Variants in TMEM266 observed in about 807,000 individuals in gnomAD.
TMEM266 encodes the protein transmembrane protein 266, also known as Hv1 related protein 1.
A neutral mutation model predicts 50.5 loss-of-function variants in TMEM266; 33 were observed. That is an observed-to-expected ratio of 0.65 (90% CI 0.50 to 0.87). TMEM266 has a LOEUF of 0.87. TMEM266 is among the 40% of genes least tolerant of loss of function. The probability of loss-of-function intolerance (pLI) is 0.00; values close to 1 mark genes in which losing one functional copy is unlikely to be tolerated. For missense variants in TMEM266, 655 were observed against 695.1 expected (o/e 0.94, Z 0.65); for synonymous variants, 310 against 292.3 (o/e 1.06, Z -0.62).
At chr15:76,085,162 T>G (rs533211803) in intron 1 of TMEM266, among the ~76,000 whole-genome samples, 3 of 150,992 alleles carry the variant, frequency 2.0e-5, no homozygotes, top group African/African-American at 7.3e-5. Flanking sequence ...GGTTTCACTG[T>G]GTTAGCCAGC....
At chr15:76,175,319 C>G in intron 7 of TMEM266, 1 of 432,482 alleles carries the variant, frequency 2.3e-6, no homozygotes. Flanking sequence ...GCACACAGCC[C>G]AAAAGTATGG....
At chr15:76,080,243 C>T (rs1027666680) in intron 1 of TMEM266, among the ~76,000 whole-genome samples, 2 of 45,556 alleles carry the variant, frequency 4.4e-5, no homozygotes, top group African/African-American at 8.5e-5. Context: ...GGCAGGTGCC[C>T]GTAATCCCAG....
At chr15:76,107,822 C>T (rs981648089) in intron 1 of TMEM266, among the ~76,000 whole-genome samples, 2 of 152,146 alleles carry the variant, frequency 1.3e-5, no homozygotes, top group Non-Finnish European at 2.9e-5. Flanking sequence ...GAAGTCTACT[C>T]TAGAACCCAC....
At position 76,171,011 on chromosome 15, in the gene TMEM266, A is replaced by G. The variant is rs770518242; in HGVS notation, c.532A>G (p.Ile178Val). Residue 178 changes from isoleucine (I) to valine (V), a missense_variant, in exon 7 of 11, where the codon ATC becomes GTC. By Grantham distance (29) the Ile-to-Val change is conservative. Around this residue, in one of 3 missense-constraint regions of TMEM266, gnomAD observed 101 missense variants for 182.6 expected, o/e 0.55. Transcript: ENST00000388942. ...CTCACAGGTGTTTGACGGGGCTGTG[A>G]TCATCCTATCTTTGGCTCCGATGGT... is the stretch of plus-strand genomic sequence containing the variant. 4 of 1,612,836 alleles carry G rather than the reference A, an allele frequency of 2.5e-6. No homozygotes were observed. Among genetic ancestry groups the G allele is most frequent in the Non-Finnish European group, 3.4e-6 (4 of 1,179,614 alleles).
chr15:76,095,952 CAGT>C (rs767341196), intron 1 of TMEM266, among the ~76,000 whole-genome samples: 4 of 151,988 alleles, frequency 2.6e-5, no homozygotes, highest in Non-Finnish European at 4.4e-5. Flanking sequence ...TTCTGTGGGT[CAGT>C]GGTGATATCC....
At chr15:76,196,415 C>A (rs189166714) in intron 9 of TMEM266, among the ~76,000 whole-genome samples, 1 of 152,342 alleles carries the variant, frequency 6.6e-6, no homozygotes, top group Admixed American at 6.5e-5. Context: ...TGATTCACAG[C>A]CTCGCATGGT....
intron 3 of TMEM266, among the ~76,000 whole-genome samples, chr15:76,151,778 G>A (rs1035412182): frequency 6.6e-6 from 1 of 152,172 alleles, no homozygotes; most frequent in Non-Finnish European, 1.5e-5. Flanking sequence ...TCATTGAAAT[G>A]CAGACTCAAA....
intron 3 of TMEM266, among the ~76,000 whole-genome samples, chr15:76,138,983 C>A (rs1310414989): frequency 6.6e-6 from 1 of 152,200 alleles, no homozygotes; most frequent in Non-Finnish European, 1.5e-5. Context: ...GGTCACACAG[C>A]AGATCAGACT....
intron 1 of TMEM266, among the ~76,000 whole-genome samples, chr15:76,077,407 C>T (rs957084577): frequency 2.6e-5 from 4 of 152,046 alleles, no homozygotes; most frequent in Admixed American, 1.3e-4. Flanking sequence ...GATACAATCC[C>T]AGTCCTCAAA....
chr15:76,122,455 T>C (rs1046376180), intron 1 of TMEM266, among the ~76,000 whole-genome samples: 1 of 152,214 alleles, frequency 6.6e-6, no homozygotes, highest in Admixed American at 6.5e-5. Flanking sequence ...GAGGACTTTT[T>C]CCCTCCATTT....
At chr15:76,106,188 A>G (rs1596107929) in intron 1 of TMEM266, among the ~76,000 whole-genome samples, 1 of 152,030 alleles carries the variant, frequency 6.6e-6, no homozygotes. Context: ...CTCATCAGGT[A>G]CCTGCCACGT....
chr15:76,186,968 G>A (rs1311847466), intron 8 of TMEM266, among the ~76,000 whole-genome samples: 1 of 152,102 alleles, frequency 6.6e-6, no homozygotes, highest in Non-Finnish European at 1.5e-5. Flanking sequence ...CCTGCCATAA[G>A]TACCAGCCCA....
chr15:76,101,893 C>T (rs992436), intron 1 of TMEM266, among the ~76,000 whole-genome samples: 8,203 of 152,290 alleles, frequency 0.054, 696 homozygotes, highest in African/African-American at 0.18. Context: ...GACTGCCCTC[C>T]ATTGGACGGG....
At position 76,123,910 on chromosome 15, in the gene TMEM266, G is replaced by A. The variant is rs144034669; in HGVS notation, c.-96-10258G>A. ...GTATTTTTAGTAGAGACGGGGTTTC[G>A]CCATGTCGGCCAGGCTGGTCTCAAA... On this transcript the variant is annotated intron_variant, in intron 1 of 10. Coordinates refer to ENST00000388942, the MANE Select transcript of TMEM266 (RefSeq NM_152335.3). 3.0e-3 allele frequency among the ~76,000 whole-genome samples: 452 copies of A among 152,196 alleles called. 2 individuals carry two copies. Among genetic ancestry groups the A allele is most frequent in the African/African-American group, 0.01 (418 of 41,526 alleles).
intron 1 of TMEM266, among the ~76,000 whole-genome samples, chr15:76,125,740 C>T (rs753108989): frequency 2.0e-5 from 3 of 151,218 alleles, no homozygotes; most frequent in African/African-American, 7.3e-5. Flanking sequence ...CCCAGCTACC[C>T]GGGAGGCTGA....
intron 3 of TMEM266, among the ~76,000 whole-genome samples, chr15:76,152,998 T>C (rs1337512948): frequency 6.6e-6 from 1 of 152,132 alleles, no homozygotes; most frequent in Non-Finnish European, 1.5e-5. Context: ...TCTACCTGGC[T>C]CTTCCCTGAG....
chr15:76,171,266 G>A, intron 7 of TMEM266, 135 bp downstream of exon 7: 1 of 1,256,706 alleles, frequency 8.0e-7, no homozygotes, highest in East Asian at 2.6e-5. Flanking sequence ...GCAGGGAGAG[G>A]GGCCAGCTGT....
intron 8 of TMEM266, among the ~76,000 whole-genome samples, chr15:76,181,683 G>A (rs771420104): frequency 1.3e-5 from 2 of 152,100 alleles, no homozygotes; most frequent in Admixed American, 1.3e-4. Flanking sequence ...TCAGAGAGAC[G>A]GTGTGGATGC....
In TMEM266 at chr15:76,146,308, C is replaced by T. The variant is rs76395198; in HGVS notation, c.227+8413C>T. ...AGTGAAAAGAGGGTGCAAAGATGGT[C>T]ATGGGTGAGGAAGTGGGATAGTCTT... On this transcript the variant is annotated intron_variant, in intron 3 of 10. Coordinates refer to ENST00000388942, the MANE Select transcript of TMEM266 (RefSeq NM_152335.3). Among the ~76,000 whole-genome samples, 1,167 of 152,128 alleles carry T rather than the reference C, an allele frequency of 7.7e-3. 3 individuals are homozygous for T. The highest frequency in any genetic ancestry group is 0.024 in the Middle Eastern group (7 of 294).
Sources: gnomAD v4.1 joint callset for allele counts (sites outside exome capture counted in the v4.1 genomes callset) on GRCh38, gnomAD v4.1.1 for gene constraint, gnomAD v4.1.1 regional missense constraint, MANE v1.5 for transcripts, NCBI Gene and HGNC (gene_info 2026-07-23, HGNC 2026-07-21) for gene names.